KANSL1: variants seen among roughly 807,000 people sequenced by gnomAD.
KANSL1 encodes MLL1/MLL complex subunit KANSL1.
Under a neutral mutation model 103.6 loss-of-function variants are expected in KANSL1, and 22 were observed. The ratio of observed to expected loss-of-function variants is 0.21; its 90% CI spans 0.15 to 0.30. The LOEUF is 0.30. Ranked by LOEUF, KANSL1 falls within the 10% of genes least tolerant of loss-of-function variation. KANSL1 has a pLI of 1.00. For missense variants in KANSL1, 1,337 were observed against 1,399.8 expected (o/e 0.96, Z 0.72); for synonymous variants, 600 against 527.6 (o/e 1.14, Z -1.88).
chr17:46,181,248 T>C (rs2046776995), intron 1 of KANSL1, among the ~76,000 whole-genome samples: 2 of 152,238 alleles, frequency 1.3e-5, no homozygotes, highest in South Asian at 2.1e-4. Flanking sequence ...AAATCCTTCT[T>C]TTCTCACGAA....
At chr17:46,083,356 T>C (rs1165130391) in intron 3 of KANSL1, among the ~76,000 whole-genome samples, 1 of 152,144 alleles carries the variant, frequency 6.6e-6, no homozygotes, top group Non-Finnish European at 1.5e-5. Flanking sequence ...TGATCAGGGT[T>C]CCCAATCTCT....
At chr17:46,076,207 G>T (rs2078762271) in intron 4 of KANSL1, among the ~76,000 whole-genome samples, 1 of 152,046 alleles carries the variant, frequency 6.6e-6, no homozygotes, top group Admixed American at 6.6e-5. Flanking sequence ...AATTGTTTTG[G>T]CTACTGGCCA....
chr17:46,151,137 T>C (rs1208819089), intron 2 of KANSL1, among the ~76,000 whole-genome samples: 1 of 152,224 alleles, frequency 6.6e-6, no homozygotes, highest in Non-Finnish European at 1.5e-5. Flanking sequence ...AGCATAAAGC[T>C]AAATATTTAA....
At chr17:46,038,833 G>T in intron 9 of KANSL1, 147 bp from the exon 10 acceptor site, 1 of 1,184,560 alleles carries the variant, frequency 8.4e-7, no homozygotes, top group Non-Finnish European at 1.2e-6. Flanking sequence ...CACTAGCTGT[G>T]GGAAGTAGGG....
intron 1 of KANSL1, among the ~76,000 whole-genome samples, chr17:46,179,223 T>A (rs547349066): frequency 1.6e-4 from 25 of 152,340 alleles, no homozygotes; most frequent in African/African-American, 5.3e-4. Context: ...CTAAAGATTA[T>A]ACACACACAT....
chr17:46,059,658 A>AGAGAGAGG (rs1389300456), intron 6 of KANSL1, among the ~76,000 whole-genome samples: 8 of 143,906 alleles, frequency 5.6e-5, no homozygotes, highest in Admixed American at 5.5e-4. Flanking sequence ...AGAGAGAGAG[A>AGAGAGAGG]GAGAGAGAAA....
chr17:46,081,365 A>G (rs908597684), intron 4 of KANSL1, among the ~76,000 whole-genome samples: 5 of 152,324 alleles, frequency 3.3e-5, no homozygotes, highest in East Asian at 3.9e-4. Context: ...ACCATTCACT[A>G]AAAGTTTCAT....
chr17:46,169,788 A>G (rs2046187772), intron 2 of KANSL1, among the ~76,000 whole-genome samples: 1 of 152,188 alleles, frequency 6.6e-6, no homozygotes, highest in Non-Finnish European at 1.5e-5. Flanking sequence ...CTGAATTGGG[A>G]GTGACAGGAA....
At chr17:46,047,360 A>C (rs914353443) in intron 7 of KANSL1, among the ~76,000 whole-genome samples, 1 of 152,258 alleles carries the variant, frequency 6.6e-6, no homozygotes. Context: ...GTTGCAACAC[A>C]ATCAGGTTCA....
intron 4 of KANSL1, among the ~76,000 whole-genome samples, chr17:46,074,802 A>AATAG (rs1436602247): frequency 1.4e-5 from 2 of 142,600 alleles, no homozygotes; most frequent in South Asian, 4.3e-4. Context: ...TAAATAAATA[A>AATAG]ATAAATATTG....
At chr17:46,127,314 A>G (rs961084247) in intron 2 of KANSL1, among the ~76,000 whole-genome samples, 14 of 152,220 alleles carry the variant, frequency 9.2e-5, no homozygotes, top group African/African-American at 2.7e-4. Flanking sequence ...ACTGAAAGGG[A>G]AAAAAAGAAC....
intron 3 of KANSL1, chr17:46,088,341 C>T (rs2079243845): frequency 6.6e-6 from 1 of 152,344 alleles, no homozygotes; most frequent in Admixed American, 6.5e-5. Context: ...CCACTGCAGA[C>T]CAGTTCCACA....
chr17:46,045,135 C>CATT (rs2077457818), intron 7 of KANSL1: 1 of 152,122 alleles, frequency 6.6e-6, no homozygotes, highest in Non-Finnish European at 1.5e-5. Flanking sequence ...GTATGCCAAG[C>CATT]TGCTAGCCTT....
chr17:46,111,163 A>C (rs2042785453), intron 2 of KANSL1, among the ~76,000 whole-genome samples: 2 of 152,258 alleles, frequency 1.3e-5, no homozygotes, highest in Admixed American at 1.3e-4. Context: ...AATTTGACAC[A>C]ATAATTTGAG....
At chr17:46,164,293 G>A (rs1029900929) in intron 2 of KANSL1, among the ~76,000 whole-genome samples, 1 of 152,226 alleles carries the variant, frequency 6.6e-6, no homozygotes, top group African/African-American at 2.4e-5. Flanking sequence ...TGATGCCTAA[G>A]TTCCTTTCTT....
upstream of KANSL1, among the ~76,000 whole-genome samples, chr17:46,224,318 C>T (rs1338317459): frequency 6.6e-6 from 1 of 151,982 alleles, no homozygotes; most frequent in Non-Finnish European, 1.5e-5. Flanking sequence ...TAAAAGCAGA[C>T]CGAGCAACTT....
chr17:46,146,814 C>T (rs1382380449), intron 2 of KANSL1, among the ~76,000 whole-genome samples: 1 of 84,426 alleles, frequency 1.2e-5, no homozygotes. Context: ...GCCTGGGCGA[C>T]AGAGCGAGAC....
chr17:46,033,932 G>A (rs1045454716), intron 11 of KANSL1, among the ~76,000 whole-genome samples: 1 of 152,252 alleles, frequency 6.6e-6, no homozygotes, highest in Non-Finnish European at 1.5e-5. Context: ...CTCTAGACCA[G>A]TAAGTGAATG....
chr17:46,139,296 C>CAAAAA (rs370375207), intron 2 of KANSL1, among the ~76,000 whole-genome samples: 1 of 139,474 alleles, frequency 7.2e-6, no homozygotes, highest in Non-Finnish European at 1.6e-5. Context: ...TTTCATAGGC[C>CAAAAA]AAAAAAAAAA....
Sources: allele counts gnomAD v4.1 joint callset (sites outside exome capture counted in the v4.1 genomes callset), GRCh38; gene constraint gnomAD v4.1.1; transcripts MANE v1.5; gene names NCBI Gene and HGNC (gene_info 2026-07-23, HGNC 2026-07-21).